CPNE2: variants seen among roughly 807,000 people sequenced by gnomAD.
CPNE2 encodes copine 2.
In CPNE2, 42 loss-of-function variants were observed where a neutral mutation model predicts 69.7. The ratio of observed to expected loss-of-function variants is 0.60; its 90% CI spans 0.47 to 0.78. CPNE2 has a LOEUF of 0.78. Ranked by LOEUF, CPNE2 falls within the 30% of genes least tolerant of loss-of-function variation. The pLI, the probability that CPNE2 is intolerant of heterozygous loss-of-function variation, is 0.00. For missense variants in CPNE2, 587 were observed against 732.0 expected, an observed-to-expected ratio of 0.80 and a Z score of 2.29; for synonymous variants, 294 against 289.8, an observed-to-expected ratio of 1.01 and a Z score of -0.15.
intron 11 of CPNE2, among the ~76,000 whole-genome samples, chr16:57,126,676 C>T (rs1376470057): frequency 3.9e-5 from 6 of 152,068 alleles, no homozygotes; most frequent in Non-Finnish European, 7.4e-5. Context: ...GAAGCAGGTG[C>T]CAGAGATTTG....
intron 1 of CPNE2, among the ~76,000 whole-genome samples, chr16:57,102,129 T>G (rs2069618470): frequency 6.6e-6 from 1 of 151,966 alleles, no homozygotes; most frequent in South Asian, 2.1e-4. Flanking sequence ...TTTTTGCCAT[T>G]TTTTGTAGAG....
intron 1 of CPNE2, among the ~76,000 whole-genome samples, chr16:57,097,272 A>C (rs1333266209): frequency 6.6e-6 from 1 of 152,066 alleles, no homozygotes; most frequent in Non-Finnish European, 1.5e-5. Context: ...CTGTTCCCCC[A>C]ACTCCATCCC....
rs1323716484 is a variant in CPNE2 at position 57,092,752 on chromosome 16, A to T, written c.-74A>T. The T allele has an allele frequency of 5.2e-4, 78 of 151,086 alleles. No homozygotes were observed. Among genetic ancestry groups the T allele is most frequent in the African/African-American group, 1.9e-3 (78 of 41,336 alleles). The allele number at this position is 151,086 out of a possible 1,614,324, so 9.4% of individuals were successfully genotyped here. ...GGCGGCTCGGAGCGCGGGCAGCGGC[A>T]GCCGTGCGGTGAGGGCGGTGGCGCC... On this transcript the variant is annotated 5_prime_UTR_variant, in exon 1 of 16. Transcript: ENST00000290776. This position sits in a 1 kb window ranked among gnomAD's most constrained non-coding sequence, Gnocchi z 5.3.
At chr16:57,129,342 G>A (rs1597501672) in intron 12 of CPNE2, among the ~76,000 whole-genome samples, 2 of 152,168 alleles carry the variant, frequency 1.3e-5, no homozygotes, top group East Asian at 1.9e-4. Context: ...GAGAAGGGGC[G>A]AAGGCAAGGA....
At chr16:57,132,864 C>T (rs74856022) in intron 12 of CPNE2, among the ~76,000 whole-genome samples, 1 of 152,226 alleles carries the variant, frequency 6.6e-6, no homozygotes, top group East Asian at 1.9e-4. Flanking sequence ...TCTGGGGCCT[C>T]TGGGGCAGAT....
intron 1 of CPNE2, among the ~76,000 whole-genome samples, chr16:57,107,073 G>A (rs2069652679): frequency 6.6e-6 from 1 of 152,132 alleles, no homozygotes; most frequent in African/African-American, 2.4e-5. Context: ...CTCTAAAATG[G>A]GGGCAATTGT....
intron 1 of CPNE2, among the ~76,000 whole-genome samples, chr16:57,093,276 C>T (rs1320794199): frequency 6.6e-6 from 1 of 151,956 alleles, no homozygotes; most frequent in Admixed American, 6.5e-5. Context: ...CTCCCAGCCC[C>T]GGTACTGGGA....
intron 8 of CPNE2, 106 bp downstream of exon 8, chr16:57,121,297 G>T (rs2069760319): frequency 2.3e-6 from 2 of 888,300 alleles, no homozygotes; most frequent in Middle Eastern, 2.4e-4. Flanking sequence ...CCTTCTGGCT[G>T]CATGACCTTG....
chr16:57,113,088 C>G, intron 2 of CPNE2, 200 bp from the exon 3 acceptor site: 2 of 551,138 alleles, frequency 3.6e-6, no homozygotes, highest in Non-Finnish European at 6.4e-6. Flanking sequence ...ACAAGCTGTC[C>G]AGCCCTGGGG....
At position 57,130,432 on chromosome 16, in the gene CPNE2, G is replaced by A. The variant is rs561993734; in HGVS notation, c.1116+2529G>A. Among the ~76,000 whole-genome samples the A allele has an allele frequency of 4.6e-5, 7 of 152,146 alleles. No individual in the cohort carries two copies. Among genetic ancestry groups the A allele is most frequent in the South Asian group, 4.2e-4 (2 of 4,818 alleles). ...CATGAGAGAGCCAGGCAGATGAAGC[G>A]GAGACTGAGCCCGGGGGCAGAGCAG... On this transcript the variant is annotated intron_variant, in intron 12 of 15. Coordinates refer to ENST00000290776, the MANE Select transcript of CPNE2 (RefSeq NM_152727.6). The surrounding 1 kb of genome is among the most constrained non-coding windows in gnomAD (Gnocchi z 4.1).
chr16:57,095,753 C>G (rs921313914), intron 1 of CPNE2, among the ~76,000 whole-genome samples: 1 of 152,244 alleles, frequency 6.6e-6, no homozygotes, highest in Non-Finnish European at 1.5e-5. Context: ...GCATGAGCCA[C>G]TGTGCCCGAC....
intron 1 of CPNE2, among the ~76,000 whole-genome samples, chr16:57,101,004 A>G (rs1279887488): frequency 6.6e-6 from 1 of 152,198 alleles, no homozygotes; most frequent in Non-Finnish European, 1.5e-5. Flanking sequence ...TAGTTTTTAG[A>G]TGCAGTTAAC....
Position 57,121,750 on chromosome 16 carries a change from G to T in CPNE2, c.857G>T (p.Arg286Leu), listed in dbSNP as rs1470327006. Residue 286 changes from arginine to leucine, a missense_variant, in exon 9 of 16, where the codon CGA (arginine) becomes CTA (leucine). By Grantham distance (102) the Arg-to-Leu change is moderately radical. This residue lies in a region of CPNE2 where 269 missense variants were observed against 300.5 expected (regional missense o/e 0.90). Coordinates refer to ENST00000290776, the MANE Select transcript of CPNE2 (RefSeq NM_152727.6). The stretch of plus-strand genomic sequence containing the variant: ...AAAAACTCGGGCATCATCATCCTGC[G>T]ATCCTGCAAGGTGAACCAGCGTGGG... ...NYKNSGIIILRSCKINRDYSF... is the reference protein window; with the variant it reads ...NYKNSGIIILLSCKINRDYSF... 6.2e-7 allele frequency: 1 copy of T among 1,614,152 alleles called. No individual in the cohort carries two copies. The highest frequency in any genetic ancestry group is 1.3e-5 in the African/African-American group (1 of 75,022).
intron 10 of CPNE2, chr16:57,124,270 T>A: frequency 2.6e-6 from 1 of 390,262 alleles, no homozygotes; most frequent in Non-Finnish European, 5.2e-6. Context: ...TCTGTAGAGA[T>A]GGGGTTTTGC....
At chr16:57,123,328 G>A in intron 9 of CPNE2, 86 bp from the exon 10 acceptor site, 1 of 1,369,832 alleles carries the variant, frequency 7.3e-7, no homozygotes, top group African/African-American at 1.4e-5. Context: ...TGTCCCTACT[G>A]AGGTTGCAGG....
intron 2 of CPNE2, among the ~76,000 whole-genome samples, chr16:57,111,374 C>T (rs987244644): frequency 3.9e-5 from 6 of 152,074 alleles, no homozygotes; most frequent in East Asian, 3.9e-4. Flanking sequence ...CATGGGTTTT[C>T]GCCATGTTGG....
intron 9 of CPNE2, among the ~76,000 whole-genome samples, 181 bp downstream of exon 9, chr16:57,121,941 G>A (rs2069765927): frequency 6.6e-6 from 1 of 152,238 alleles, no homozygotes; most frequent in Non-Finnish European, 1.5e-5. Context: ...TCTGTGGAAT[G>A]GAGATATTAA....
chr16:57,147,580 G>A lies in CPNE2; in HGVS notation c.1569G>A (p.Val523=). 1 of 1,608,324 alleles carries A rather than the reference G, an allele frequency of 6.2e-7. No homozygotes were observed. Among genetic ancestry groups the A allele is most frequent in the South Asian group, 1.1e-5 (1 of 90,442 alleles). Residue 523 remains valine, a synonymous_variant, in exon 16 of 16, where the codon GTG becomes GTA. Coordinates refer to ENST00000290776, the MANE Select transcript of CPNE2 (RefSeq NM_152727.6). ...NAAKETLAKA[V]LAELPQQVVQ... ...CAAAAGAGACCTTGGCCAAAGCTGT[G>A]CTGGCGGAGCTGCCCCAACAAGTTG...
intron 14 of CPNE2, among the ~76,000 whole-genome samples, chr16:57,138,777 G>A (rs903161677): frequency 6.6e-6 from 1 of 152,160 alleles, no homozygotes; most frequent in African/African-American, 2.4e-5. Context: ...CAGGCTCATC[G>A]TGCTCTGTGA....
Sources: allele counts gnomAD v4.1 joint callset (sites outside exome capture counted in the v4.1 genomes callset), GRCh38; gene constraint gnomAD v4.1.1; regional missense constraint gnomAD v4.1.1; non-coding constraint Gnocchi (gnomAD v3.1); transcripts MANE v1.5; gene names NCBI Gene and HGNC (gene_info 2026-07-23, HGNC 2026-07-21).